The following TAF3 variants were observed in gnomAD, a reference collection of about 807,000 sequenced individuals.
TAF3 encodes TATA-box binding protein associated factor 3, also known as transcription initiation factor TFIID subunit 3.
Under a neutral mutation model 80.6 loss-of-function variants are expected in TAF3, and 7 were observed. That is an observed-to-expected ratio of 0.09 (90% CI 0.05 to 0.16). The LOEUF is 0.16. Ranked by LOEUF, TAF3 falls within the 10% of genes least tolerant of loss-of-function variation. TAF3 has a pLI of 1.00. For synonymous variants in TAF3, 444 were observed against 446.1 expected, an observed-to-expected ratio of 1.00 and a Z score of 0.06; for missense variants, 921 against 1,140.2, an observed-to-expected ratio of 0.81 and a Z score of 2.77.
At chr10:7,824,297 T>G (rs893354004) in intron 1 of TAF3, 21 bp from the exon 2 acceptor site, 2 of 1,574,982 alleles carry the variant, frequency 1.3e-6, no homozygotes, top group Admixed American at 1.9e-5. Context: ...ATAATTTGAT[T>G]TGCTTTTCAC....
intron 5 of TAF3, among the ~76,000 whole-genome samples, chr10:8,012,098 G>C (rs1832061639): frequency 6.6e-6 from 1 of 152,124 alleles, no homozygotes; most frequent in Non-Finnish European, 1.5e-5. Flanking sequence ...GATCACCTGA[G>C]CCTACCGAGG....
At chr10:7,825,371 A>G (rs991770316) in intron 2 of TAF3, among the ~76,000 whole-genome samples, 7 of 152,322 alleles carry the variant, frequency 4.6e-5, no homozygotes, top group Admixed American at 3.3e-4. Flanking sequence ...GGACCATTGT[A>G]AAGGTGTGCA....
At chr10:7,944,467 C>T (rs940561537) in intron 2 of TAF3, among the ~76,000 whole-genome samples, 1 of 152,038 alleles carries the variant, frequency 6.6e-6, no homozygotes, top group Non-Finnish European at 1.5e-5. Context: ...AAAAATGAAA[C>T]GCAGTAAAAG....
chr10:8,014,815 G>A lies in TAF3; in HGVS notation c.*64G>A. ...GCTTCTTCCCTGGCGCCTCTGGAAG[G>A]GAGCTGGTGCAAGTCTGCCGTCACA... is the stretch of plus-strand genomic sequence containing the variant. On this transcript the variant is annotated 3_prime_UTR_variant, in exon 7 of 7. Coordinates refer to ENST00000344293, the MANE Select transcript of TAF3 (RefSeq NM_031923.4). 1 of 1,422,366 alleles carries A rather than the reference G, an allele frequency of 7.0e-7. No individual in the cohort carries two copies. Among genetic ancestry groups the A allele is most frequent in the Non-Finnish European group, 9.5e-7 (1 of 1,048,432 alleles). The allele number at this position is 1,422,366 out of a possible 1,614,324, so 88.1% of individuals were successfully genotyped here.
At chr10:7,838,022 T>C (rs1427387637) in intron 2 of TAF3, among the ~76,000 whole-genome samples, 1 of 152,224 alleles carries the variant, frequency 6.6e-6, no homozygotes, top group Admixed American at 6.5e-5. Flanking sequence ...AAACATTATC[T>C]CATTTAATCT....
chr10:7,936,875 T>TGA (rs1837926540), intron 2 of TAF3, among the ~76,000 whole-genome samples: 1 of 152,200 alleles, frequency 6.6e-6, no homozygotes, highest in Non-Finnish European at 1.5e-5. Context: ...CCATTGATTT[T>TGA]TTTTTTTGGA....
At chr10:7,995,126 A>G (rs2131430919) in intron 4 of TAF3, among the ~76,000 whole-genome samples, 1 of 152,310 alleles carries the variant, frequency 6.6e-6, no homozygotes, top group South Asian at 2.1e-4. Flanking sequence ...AATGAAGTTA[A>G]AGACTAAGGT....
intron 4 of TAF3, among the ~76,000 whole-genome samples, chr10:7,999,458 G>GTTTT (rs372902098): frequency 5.9e-4 from 79 of 133,088 alleles, no homozygotes; most frequent in African/African-American, 2.2e-3. Context: ...AAAGAAAGAA[G>GTTTT]TTTTTTTTTT....
chr10:7,940,547 G>A (rs556310252), intron 2 of TAF3, among the ~76,000 whole-genome samples: 10 of 152,298 alleles, frequency 6.6e-5, no homozygotes, highest in East Asian at 3.9e-4. Context: ...AGAAACAGCC[G>A]TGGAGATTTG....
intron 2 of TAF3, among the ~76,000 whole-genome samples, chr10:7,829,421 T>C (rs528194599): frequency 1.3e-5 from 2 of 152,222 alleles, no homozygotes; most frequent in South Asian, 2.1e-4. Flanking sequence ...ATATTGTGTT[T>C]GGTTGTCACG....
chr10:7,897,821 G>A (rs1459750746), intron 2 of TAF3, among the ~76,000 whole-genome samples: 2 of 151,806 alleles, frequency 1.3e-5, no homozygotes. Context: ...CACCATGCCC[G>A]GCTAACTTTT....
intron 2 of TAF3, among the ~76,000 whole-genome samples, chr10:7,946,599 C>T (rs1044028810): frequency 6.6e-6 from 1 of 152,106 alleles, no homozygotes; most frequent in African/African-American, 2.4e-5. Flanking sequence ...AGCACATGTC[C>T]TTGGTCCCAG....
intron 2 of TAF3, among the ~76,000 whole-genome samples, chr10:7,840,448 G>A (rs758396518): frequency 7.3e-5 from 11 of 151,434 alleles, no homozygotes; most frequent in African/African-American, 1.2e-4. Flanking sequence ...CACCGCGCCC[G>A]GCCTGGAAAA....
chr10:7,851,236 A>T (rs1837023955), intron 2 of TAF3, among the ~76,000 whole-genome samples: 1 of 152,206 alleles, frequency 6.6e-6, no homozygotes, highest in African/African-American at 2.4e-5. Context: ...CAAAGACTTC[A>T]AAGAGGGGAG....
chr10:7,938,080 T>C (rs561200389), intron 2 of TAF3, among the ~76,000 whole-genome samples: 4 of 152,326 alleles, frequency 2.6e-5, no homozygotes, highest in African/African-American at 9.6e-5. Flanking sequence ...AATGTCTTTA[T>C]TAATAAAACA....
intron 2 of TAF3, among the ~76,000 whole-genome samples, chr10:7,836,787 C>G (rs931257034): frequency 3.2e-4 from 49 of 152,220 alleles, no homozygotes; most frequent in African/African-American, 1.2e-3. Context: ...ACCTTTATCT[C>G]TTGTCTGAAC....
At chr10:7,974,106 C>T (rs932723647) in intron 3 of TAF3, among the ~76,000 whole-genome samples, 28 of 149,982 alleles carry the variant, frequency 1.9e-4, no homozygotes, top group Admixed American at 9.4e-4. Flanking sequence ...CCAGCCTGGG[C>T]GACAGAGTGA....
intron 2 of TAF3, among the ~76,000 whole-genome samples, chr10:7,858,409 A>T (rs1225006829): frequency 1.3e-5 from 2 of 152,170 alleles, no homozygotes; most frequent in Non-Finnish European, 2.9e-5. Context: ...CTCCTGGATG[A>T]TACAATCGTT....
At chr10:7,903,743 A>G (rs901459421) in intron 2 of TAF3, among the ~76,000 whole-genome samples, 3 of 152,196 alleles carry the variant, frequency 2.0e-5, no homozygotes, top group African/African-American at 7.2e-5. Flanking sequence ...CATCTTTTCC[A>G]GGCAGACATA....
Sources: gnomAD v4.1 joint callset for allele counts (sites outside exome capture counted in the v4.1 genomes callset) on GRCh38, gnomAD v4.1.1 for gene constraint, MANE v1.5 for transcripts, NCBI Gene and HGNC (gene_info 2026-07-23, HGNC 2026-07-21) for gene names.